Variants in BCAS3 observed in about 807,000 individuals in gnomAD.
BCAS3 encodes BCAS4/BCAS3 fusion.
A neutral mutation model predicts 116.1 loss-of-function variants in BCAS3; 53 were observed. That is an observed-to-expected ratio of 0.46 (90% CI 0.37 to 0.57). The LOEUF is 0.57. BCAS3 is among the 20% of genes least tolerant of loss of function. BCAS3 has a pLI of 0.00. For missense variants in BCAS3, 917 were observed against 1,165.4 expected (o/e 0.79, Z 3.10); for synonymous variants, 391 against 408.2 (o/e 0.96, Z 0.51).
rs1285000296 is a variant in BCAS3, at chr17:61,084,332, CTGTT to C, written c.2328-131_2328-128del. 1.5e-6 allele frequency: 1 copy of C among 646,722 alleles called. No homozygotes were observed. The highest frequency in any genetic ancestry group is 1.8e-5 in the African/African-American group (1 of 54,592). The allele number at this position is 646,722 out of a possible 1,614,324, so 40.1% of individuals were successfully genotyped here. On this transcript the variant is annotated intron_variant, in intron 21 of 23. Transcript: ENST00000407086. This position sits in a 1 kb window ranked among gnomAD's most constrained non-coding sequence, Gnocchi z 5.5. ...GCAGCAATTAGGGACTGCAGCTCCC[CTGTT>C]TGTCTTGTTTTAGAATGGATGGTTC...
chr17:60,984,314 A>G (rs2145410752), intron 14 of BCAS3, among the ~76,000 whole-genome samples: 1 of 152,306 alleles, frequency 6.6e-6, no homozygotes, highest in Admixed American at 6.5e-5. Context: ...TTTGATGGCT[A>G]CCTAGAGCTT....
chr17:61,275,649 G>C (rs1023330456), intron 22 of BCAS3, among the ~76,000 whole-genome samples: 31 of 152,266 alleles, frequency 2.0e-4, no homozygotes, highest in African/African-American at 7.5e-4. Context: ...GAAGGAGCTG[G>C]CACTCTTCAC....
At chr17:61,022,355 T>G (rs2145559510) in intron 16 of BCAS3, among the ~76,000 whole-genome samples, 1 of 152,256 alleles carries the variant, frequency 6.6e-6, no homozygotes, top group South Asian at 2.1e-4. Flanking sequence ...GTTCACACCA[T>G]TCTCCTCCCT....
rs2049648182 is a variant in BCAS3, at chr17:61,265,810, T to C, written c.2426-102517T>C. Among the ~76,000 whole-genome samples, 1 of 151,952 alleles carries C rather than the reference T, an allele frequency of 6.6e-6. No individual in the cohort carries two copies. Among genetic ancestry groups the C allele is most frequent in the African/African-American group, 2.4e-5 (1 of 41,378 alleles). ...CCTTACCTTTGTTCTAAAAAAAAAATCTTTGACTCCACCATTTTTATAATA... is the reference window on the plus strand; with the variant it reads ...CCTTACCTTTGTTCTAAAAAAAAAACCTTTGACTCCACCATTTTTATAATA... On this transcript the variant is annotated intron_variant, in intron 22 of 23. Coordinates refer to ENST00000407086, the MANE Select transcript of BCAS3 (RefSeq NM_017679.5). The surrounding 1 kb of genome is among the most constrained non-coding windows in gnomAD (Gnocchi z 4.3).
At chr17:60,977,898 T>C (rs2062523382) in intron 14 of BCAS3, among the ~76,000 whole-genome samples, 1 of 144,440 alleles carries the variant, frequency 6.9e-6, no homozygotes, top group South Asian at 2.1e-4. Context: ...ATCCAGTCTA[T>C]CATTGTTGGA....
intron 22 of BCAS3, among the ~76,000 whole-genome samples, chr17:61,294,028 A>G (rs1391304495): frequency 5.3e-5 from 8 of 152,136 alleles, no homozygotes; most frequent in Non-Finnish European, 1.2e-4. Context: ...CTCCCAAAGT[A>G]CTGGGATTAC....
rs2073883142 is a variant in BCAS3 at position 61,095,137 on chromosome 17, A to G, written c.2425+10573A>G. On this transcript the variant is annotated intron_variant, in intron 22 of 23. Transcript: ENST00000407086. This position sits in a 1 kb window ranked among gnomAD's most constrained non-coding sequence, Gnocchi z 4.7. Reference sequence around the variant, plus strand: ...AATATCCCCAGAACCTGAAAATGCTATTAATATACTTTATCTTTTAGCAGT... The same window carrying G: ...AATATCCCCAGAACCTGAAAATGCTGTTAATATACTTTATCTTTTAGCAGT... Among the ~76,000 whole-genome samples, 1 of 152,246 alleles carries G rather than the reference A, an allele frequency of 6.6e-6. No individual in the cohort carries two copies. Among genetic ancestry groups the G allele is most frequent in the Non-Finnish European group, 1.5e-5 (1 of 68,034 alleles).
intron 23 of BCAS3, among the ~76,000 whole-genome samples, chr17:61,384,876 G>C (rs947889107): frequency 1.3e-5 from 2 of 152,322 alleles, no homozygotes; most frequent in Non-Finnish European, 2.9e-5. Flanking sequence ...GGAGGAACCT[G>C]GTGGGGAGGG....
In BCAS3 at chr17:61,309,720, A is replaced by T. The variant is rs2054147392; in HGVS notation, c.2426-58607A>T. The stretch of plus-strand genomic sequence containing the variant: ...GGAGAGATGACCCAGGGTCTTTGGG[A>T]TTGCGGAACAGCTGCTGTGGAAAAG... On this transcript the variant is annotated intron_variant, in intron 22 of 23. Transcript: ENST00000407086. The surrounding 1 kb of genome is among the most constrained non-coding windows in gnomAD (Gnocchi z 4.6). Among the ~76,000 whole-genome samples the T allele has an allele frequency of 6.6e-6, 1 of 152,068 alleles. No individual in the cohort carries two copies. Among genetic ancestry groups the T allele is most frequent in the Admixed American group, 6.5e-5 (1 of 15,268 alleles).
chr17:61,029,813 A>G lies in BCAS3; in HGVS notation c.1638-4853A>G, dbSNP rs1181350779. Among the ~76,000 whole-genome samples, 1 of 152,020 alleles carries G rather than the reference A, an allele frequency of 6.6e-6. No individual in the cohort carries two copies. The highest frequency in any genetic ancestry group is 2.4e-5 in the African/African-American group (1 of 41,432). On this transcript the variant is annotated intron_variant, in intron 16 of 23. Coordinates refer to ENST00000407086, the MANE Select transcript of BCAS3 (RefSeq NM_017679.5). This position sits in a 1 kb window ranked among gnomAD's most constrained non-coding sequence, Gnocchi z 5.2. ...TCTAAGAGTTTTGATCAAGCTATAA[A>G]CAGTTCATGTAAACTAATCTTGTTC...
At chr17:61,345,961 T>A (rs59895803) in intron 22 of BCAS3, among the ~76,000 whole-genome samples, 5,946 of 151,984 alleles carry the variant, frequency 0.039, 383 homozygotes, top group African/African-American at 0.14. Flanking sequence ...GATGAGTGAG[T>A]TGAGTGAGTT....
At chr17:60,857,994 G>C (rs542718977) in intron 7 of BCAS3, among the ~76,000 whole-genome samples, 9 of 152,084 alleles carry the variant, frequency 5.9e-5, no homozygotes, top group African/African-American at 2.2e-4. Context: ...AGTGATCGGA[G>C]TTCCAGTATC....
chr17:60,934,888 G>A (rs1241437955), intron 13 of BCAS3, among the ~76,000 whole-genome samples: 1 of 152,194 alleles, frequency 6.6e-6, no homozygotes, highest in Non-Finnish European at 1.5e-5. Context: ...GCTGGGTGCA[G>A]TGACTCATAC....
At chr17:60,852,954 G>A (rs2053308264) in intron 7 of BCAS3, among the ~76,000 whole-genome samples, 1 of 152,142 alleles carries the variant, frequency 6.6e-6, no homozygotes, top group South Asian at 2.1e-4. Flanking sequence ...GTGTTTACTC[G>A]AATGAGTTGA....
intron 22 of BCAS3, among the ~76,000 whole-genome samples, chr17:61,223,128 C>T (rs2082197552): frequency 1.4e-5 from 2 of 141,838 alleles, no homozygotes; most frequent in South Asian, 4.7e-4. Context: ...ATTTTACTTT[C>T]AATATGTGAC....
chr17:61,223,791 C>G (rs1602007495), intron 22 of BCAS3, among the ~76,000 whole-genome samples: 1 of 152,342 alleles, frequency 6.6e-6, no homozygotes, highest in South Asian at 2.1e-4. Flanking sequence ...ATTTGCACCT[C>G]TGAGGGCCTT....
At chr17:61,176,561 TTATTTATG>T (rs1471695526) in intron 22 of BCAS3, among the ~76,000 whole-genome samples, 15 of 138,570 alleles carry the variant, frequency 1.1e-4, no homozygotes, top group Admixed American at 2.8e-4. Flanking sequence ...ATTTATTTAT[TTATTTATG>T]TATTTAGAGA....
rs374847634 is a variant in BCAS3 at position 61,139,132 on chromosome 17, A to G, written c.2425+54568A>G. Among the ~76,000 whole-genome samples, 1 of 152,062 alleles carries G rather than the reference A, an allele frequency of 6.6e-6. No homozygotes were observed. Among genetic ancestry groups the G allele is most frequent in the African/African-American group, 2.4e-5 (1 of 41,390 alleles). ...AATTGTTATCTTTTTATTTATACCT[A>G]TTTTCCCCCTGTACTTGTATTGCTA... On this transcript the variant is annotated intron_variant, in intron 22 of 23. Coordinates refer to ENST00000407086, the MANE Select transcript of BCAS3 (RefSeq NM_017679.5). This position sits in a 1 kb window ranked among gnomAD's most constrained non-coding sequence, Gnocchi z 4.7.
intron 22 of BCAS3, among the ~76,000 whole-genome samples, chr17:61,116,779 C>G (rs1032741314): frequency 1.3e-5 from 2 of 152,122 alleles, no homozygotes; most frequent in African/African-American, 4.8e-5. Context: ...GTTCATAGTT[C>G]TTTTCCTTTG....
Sources: allele counts gnomAD v4.1 joint callset (sites outside exome capture counted in the v4.1 genomes callset), GRCh38; gene constraint gnomAD v4.1.1; non-coding constraint Gnocchi (gnomAD v3.1); transcripts MANE v1.5; gene names NCBI Gene and HGNC (gene_info 2026-07-23, HGNC 2026-07-21).